The following PTPRT variants were observed in gnomAD, a reference collection of about 807,000 sequenced individuals.
The protein encoded by PTPRT is receptor-type tyrosine-protein phosphatase T.
A neutral mutation model predicts 176.8 loss-of-function variants in PTPRT; 56 were observed. The observed-to-expected ratio is 0.32, with a 90% CI of 0.26 to 0.40. PTPRT has a LOEUF of 0.40. PTPRT is among the 10% of genes least tolerant of loss of function. PTPRT has a pLI of 1.00. For synonymous variants in PTPRT, 783 were observed against 739.0 expected (o/e 1.06, Z -0.96); for missense variants, 1,540 against 1,908.2 (o/e 0.81, Z 3.60).
At chr20:43,164,329 A>G (rs73618873) in intron 1 of PTPRT, among the ~76,000 whole-genome samples, 1 of 152,346 alleles carries the variant, frequency 6.6e-6, no homozygotes, top group East Asian at 1.9e-4. Flanking sequence ...CTAGGTAGCA[A>G]GCAAGAGAGA....
intron 7 of PTPRT, among the ~76,000 whole-genome samples, chr20:42,476,382 T>C (rs1185524158): frequency 1.3e-5 from 2 of 152,184 alleles, no homozygotes; most frequent in Admixed American, 6.5e-5. Context: ...AGGTGATTTT[T>C]AGATCTCCAG....
chr20:42,735,078 AATG>A (rs2076518792), intron 6 of PTPRT, among the ~76,000 whole-genome samples: 1 of 152,232 alleles, frequency 6.6e-6, no homozygotes, highest in South Asian at 2.1e-4. Flanking sequence ...TCTCTCAGAA[AATG>A]TTAGTTATTA....
At chr20:42,239,866 A>G (rs144541602) in intron 14 of PTPRT, among the ~76,000 whole-genome samples, 1 of 152,290 alleles carries the variant, frequency 6.6e-6, no homozygotes, top group East Asian at 1.9e-4. Context: ...AGGAGCAGAT[A>G]TAATTACTCT....
At chr20:43,023,675 C>T (rs551544122) in intron 1 of PTPRT, among the ~76,000 whole-genome samples, 2 of 152,304 alleles carry the variant, frequency 1.3e-5, no homozygotes, top group East Asian at 1.9e-4. Flanking sequence ...CTAGAAGCCA[C>T]GGCTGCTTCT....
intron 1 of PTPRT, among the ~76,000 whole-genome samples, chr20:42,918,700 G>T (rs372383156): frequency 6.6e-6 from 1 of 152,178 alleles, no homozygotes; most frequent in East Asian, 1.9e-4. Flanking sequence ...AGAAGGAAGG[G>T]AGACAAAGAC....
intron 7 of PTPRT, among the ~76,000 whole-genome samples, chr20:42,639,111 T>C (rs1345944881): frequency 6.6e-6 from 1 of 152,112 alleles, no homozygotes; most frequent in African/African-American, 2.4e-5. Context: ...CTGAACCAGC[T>C]CAGAAAAAGG....
chr20:42,571,034 A>G (rs2145687179), intron 7 of PTPRT, among the ~76,000 whole-genome samples: 1 of 152,322 alleles, frequency 6.6e-6, no homozygotes, highest in Admixed American at 6.5e-5. Context: ...AAATGGTTAA[A>G]TAATCTCTCC....
At chr20:42,149,369 T>C (rs1037985967) in intron 17 of PTPRT, among the ~76,000 whole-genome samples, 1 of 151,436 alleles carries the variant, frequency 6.6e-6, no homozygotes. Flanking sequence ...CAAGGTCTCG[T>C]GGACCAAGGA....
chr20:42,957,463 A>G lies in PTPRT; in HGVS notation c.89-71531T>C, dbSNP rs144586631. On this transcript the variant is annotated intron_variant, in intron 1 of 30. Transcript: ENST00000373187. ...ACTCAGTCTTTGTTTACTGATTTCT[A>G]TATCAGAGAAACTGCTGGAGAGAGA... Among the ~76,000 whole-genome samples, 105 of 152,256 alleles carry G rather than the reference A, an allele frequency of 6.9e-4. 1 individual carries two copies. Among genetic ancestry groups the G allele is most frequent in the African/African-American group, 2.4e-3 (98 of 41,548 alleles).
In PTPRT at chr20:42,345,364, T is replaced by TAC. The variant is rs778541205; in HGVS notation, c.1865+5263_1865+5264insGT. On this transcript the variant is annotated intron_variant, in intron 11 of 30. Transcript: ENST00000373187. Reference sequence around the variant, plus strand: ...AGAATAAGAGGTAGCTGAAGGCATATATACACACACACACACACACACACA... The same window carrying TAC: ...AGAATAAGAGGTAGCTGAAGGCATATACATACACACACACACACACACACACA... Among the ~76,000 whole-genome samples, 79 of 92,932 alleles carry TAC rather than the reference T, an allele frequency of 8.5e-4. 1 individual carries two copies. Among genetic ancestry groups the TAC allele is most frequent in the African/African-American group, 3.3e-3 (76 of 23,144 alleles). 61.0% of individuals were successfully genotyped at this position (92,932 alleles called of 152,430 possible).
intron 14 of PTPRT, among the ~76,000 whole-genome samples, chr20:42,237,533 C>T (rs773919902): frequency 3.3e-5 from 5 of 152,158 alleles, no homozygotes; most frequent in Non-Finnish European, 7.3e-5. Context: ...ACCAAAGCAC[C>T]TATTTTATAT....
intron 6 of PTPRT, among the ~76,000 whole-genome samples, chr20:42,739,291 T>TAA (rs11336834): frequency 4.4e-5 from 1 of 22,896 alleles, no homozygotes; most frequent in African/African-American, 1.3e-4. Context: ...AAGGGAGAGA[T>TAA]AAAAAAAAAG....
intron 27 of PTPRT, among the ~76,000 whole-genome samples, chr20:42,093,204 G>A (rs185956961): frequency 6.6e-6 from 1 of 152,256 alleles, no homozygotes; most frequent in East Asian, 1.9e-4. Context: ...TCTTTCTGGT[G>A]GTCCGTAGAG....
intron 1 of PTPRT, among the ~76,000 whole-genome samples, chr20:43,113,899 C>A (rs183989149): frequency 6.6e-6 from 1 of 152,172 alleles, no homozygotes; most frequent in East Asian, 1.9e-4. Context: ...ACTGGAGCCA[C>A]TACAGTACAA....
At chr20:42,524,248 AT>A (rs1429045554) in intron 7 of PTPRT, among the ~76,000 whole-genome samples, 1 of 152,044 alleles carries the variant, frequency 6.6e-6, no homozygotes, top group Non-Finnish European at 1.5e-5. Context: ...CTCACCACTG[AT>A]TTTTGCATAG....
chr20:43,114,857 G>T (rs2012993784), intron 1 of PTPRT, among the ~76,000 whole-genome samples: 2 of 152,030 alleles, frequency 1.3e-5, no homozygotes, highest in Admixed American at 1.3e-4. Context: ...ATTTAAATAA[G>T]TAAGTTGAAT....
At chr20:42,569,506 G>A (rs1384081467) in intron 7 of PTPRT, among the ~76,000 whole-genome samples, 6 of 152,144 alleles carry the variant, frequency 3.9e-5, no homozygotes, top group Admixed American at 3.9e-4. Context: ...ACTAATGATT[G>A]TTGCTATCAC....
chr20:42,930,223 G>A (rs2145970830), intron 1 of PTPRT, among the ~76,000 whole-genome samples: 1 of 152,306 alleles, frequency 6.6e-6, no homozygotes, highest in East Asian at 1.9e-4. Flanking sequence ...GCATCAGTGA[G>A]ATGGAAAACC....
At chr20:43,019,291 AAAGGGAAGC>A (rs746498178) in intron 1 of PTPRT, among the ~76,000 whole-genome samples, 13 of 152,246 alleles carry the variant, frequency 8.5e-5, no homozygotes, top group South Asian at 6.2e-4. Flanking sequence ...ATTTCTGCTA[AAAGGGAAGC>A]CAAGGTGGTT....
Sources: gnomAD v4.1 joint callset for allele counts (sites outside exome capture counted in the v4.1 genomes callset) on GRCh38, gnomAD v4.1.1 for gene constraint, MANE v1.5 for transcripts, NCBI Gene and HGNC (gene_info 2026-07-23, HGNC 2026-07-21) for gene names.